Variants in PRKN observed in about 807,000 individuals in gnomAD.
The protein encoded by PRKN is parkin RBR E3 ubiquitin protein ligase.
In PRKN, 56 loss-of-function variants were observed where a neutral mutation model predicts 59.5. The ratio of observed to expected loss-of-function variants is 0.94; its 90% CI spans 0.76 to 1.18. The LOEUF (loss-of-function observed/expected upper bound fraction) is 1.18. Among genes scored for constraint, PRKN ranks in the 50% most tolerant of loss-of-function variants. The pLI is 0.00. For missense variants in PRKN, 657 were observed against 596.4 expected (o/e 1.10, Z -1.06); for synonymous variants, 250 against 222.1 (o/e 1.13, Z -1.12).
chr6:162,649,508 A>G (rs1445297690), intron 1 of PRKN, among the ~76,000 whole-genome samples: 1 of 152,194 alleles, frequency 6.6e-6, no homozygotes, highest in Non-Finnish European at 1.5e-5. Context: ...GCATCTGGCT[A>G]ACTGTAGAAA....
intron 3 of PRKN, among the ~76,000 whole-genome samples, chr6:162,253,279 A>AAATCT (rs56965676): frequency 0.17 from 25,855 of 149,410 alleles, 2,424 homozygotes; most frequent in South Asian, 0.29. Flanking sequence ...AACAGGCAAC[A>AAATCT]AATCTAATCT....
At chr6:162,725,394 T>A (rs144404175) in intron 1 of PRKN, among the ~76,000 whole-genome samples, 1 of 152,228 alleles carries the variant, frequency 6.6e-6, no homozygotes, top group Non-Finnish European at 1.5e-5. Flanking sequence ...TTAATGGTTT[T>A]CACTTTCACC....
Position 161,440,681 on chromosome 6 carries a change from T to C in PRKN, c.1084-53804A>G, listed in dbSNP as rs955370849. 6.6e-6 allele frequency among the ~76,000 whole-genome samples: 1 copy of C among 152,160 alleles called. No individual in the cohort carries two copies. Among genetic ancestry groups the C allele is most frequent in the Non-Finnish European group, 1.5e-5 (1 of 68,026 alleles). ...CATAACATATCTATCACAAATGCAT[T>C]CTGAGATTGCTTGGATCTAAATTGC... On this transcript the variant is annotated intron_variant, in intron 9 of 11. Transcript: ENST00000366898. The surrounding 1 kb of genome is among the most constrained non-coding windows in gnomAD (Gnocchi z 4.1).
chr6:162,701,495 TG>T (rs1166578310), intron 1 of PRKN, among the ~76,000 whole-genome samples: 1 of 151,662 alleles, frequency 6.6e-6, no homozygotes, highest in Admixed American at 6.6e-5. Flanking sequence ...AATTGGCTCA[TG>T]GGTCAGCACT....
intron 7 of PRKN, among the ~76,000 whole-genome samples, chr6:161,778,690 G>T (rs533641107): frequency 2.6e-5 from 4 of 152,194 alleles, no homozygotes; most frequent in Admixed American, 2.6e-4. Context: ...AATTAGAATT[G>T]CTGAGGAGGT....
chr6:162,420,800 AC>A lies in PRKN; in HGVS notation c.171+22509del, dbSNP rs1358579806. On this transcript the variant is annotated intron_variant, in intron 2 of 11. Coordinates refer to ENST00000366898, the MANE Select transcript of PRKN (RefSeq NM_004562.3). ...AAGCAGGAAAAAGATGGGGACACTTACAGTTTTAACGGCTTACCTCTTTTGT... is the reference window on the plus strand; with the variant it reads ...AAGCAGGAAAAAGATGGGGACACTTAAGTTTTAACGGCTTACCTCTTTTGT... 2.2e-4 allele frequency among the ~76,000 whole-genome samples: 33 copies of A among 150,828 alleles called. 1 individual carries two copies. Among genetic ancestry groups the A allele is most frequent in the African/African-American group, 8.2e-4 (33 of 40,200 alleles).
intron 4 of PRKN, among the ~76,000 whole-genome samples, chr6:162,134,770 G>A (rs777558125): frequency 2.0e-5 from 3 of 152,148 alleles, no homozygotes; most frequent in African/African-American, 4.8e-5. Context: ...GAGGCAGAGA[G>A]TGCCAAAAAG....
chr6:161,809,072 C>A (rs1410540677), intron 6 of PRKN, among the ~76,000 whole-genome samples: 3 of 152,156 alleles, frequency 2.0e-5, no homozygotes, highest in Non-Finnish European at 4.4e-5. Context: ...AACTCCTGGG[C>A]TCAGGCAGTC....
chr6:161,492,350 G>T (rs1337360054), intron 9 of PRKN, among the ~76,000 whole-genome samples: 3 of 152,150 alleles, frequency 2.0e-5, no homozygotes, highest in African/African-American at 7.2e-5. Flanking sequence ...CAAGATTATG[G>T]TGACAGTTGA....
chr6:161,368,046 A>T (rs1292027809), intron 10 of PRKN, among the ~76,000 whole-genome samples: 2 of 151,856 alleles, frequency 1.3e-5, no homozygotes, highest in African/African-American at 4.8e-5. Context: ...ATCAAGTCAC[A>T]TGCTACAAAG....
chr6:161,424,462 T>C (rs547501480), intron 9 of PRKN, among the ~76,000 whole-genome samples: 1 of 151,184 alleles, frequency 6.6e-6, no homozygotes, highest in East Asian at 1.9e-4. Context: ...TTTTATGGAG[T>C]GAACTCAGAA....
chr6:162,404,088 T>C (rs1787940160), intron 2 of PRKN, among the ~76,000 whole-genome samples: 2 of 152,086 alleles, frequency 1.3e-5, no homozygotes, highest in Non-Finnish European at 2.9e-5. Flanking sequence ...ATAATCCTTT[T>C]TGGCCGGGTG....
chr6:162,648,257 A>G (rs535632550), intron 1 of PRKN, among the ~76,000 whole-genome samples: 1 of 152,274 alleles, frequency 6.6e-6, no homozygotes, highest in South Asian at 2.1e-4. Flanking sequence ...CGTTTTTGTA[A>G]TATCTCTCTG....
At chr6:161,902,524 G>GACTATCTATCTATCTA (rs1554245393) in intron 6 of PRKN, among the ~76,000 whole-genome samples, 45 of 133,122 alleles carry the variant, frequency 3.4e-4, no homozygotes, top group African/African-American at 1.2e-3. Flanking sequence ...ATAGACATCC[G>GACTATCTATCTATCTA]TCTATCTATC....
intron 4 of PRKN, among the ~76,000 whole-genome samples, chr6:162,189,683 T>C (rs986499951): frequency 6.6e-6 from 1 of 151,852 alleles, no homozygotes; most frequent in Non-Finnish European, 1.5e-5. Flanking sequence ...TTGGTCATAC[T>C]CCATTTATTT....
intron 5 of PRKN, among the ~76,000 whole-genome samples, chr6:162,029,287 T>C (rs988141814): frequency 2.0e-5 from 3 of 152,220 alleles, no homozygotes; most frequent in Admixed American, 1.3e-4. Context: ...TTACAGATAC[T>C]TTTATTAAAA....
intron 9 of PRKN, among the ~76,000 whole-genome samples, chr6:161,507,526 AG>A (rs1442847423): frequency 6.6e-6 from 1 of 152,166 alleles, no homozygotes; most frequent in Non-Finnish European, 1.5e-5. Flanking sequence ...TTTGCTAACT[AG>A]CATTCCACTG....
intron 2 of PRKN, among the ~76,000 whole-genome samples, chr6:162,298,666 A>G (rs1217649215): frequency 7.5e-6 from 1 of 132,772 alleles, no homozygotes; most frequent in African/African-American, 2.8e-5. Flanking sequence ...GCACCAGAGG[A>G]CATATTTACA....
At chr6:162,684,757 A>G (rs894739359) in intron 1 of PRKN, among the ~76,000 whole-genome samples, 1 of 152,152 alleles carries the variant, frequency 6.6e-6, no homozygotes, top group Non-Finnish European at 1.5e-5. Flanking sequence ...TATTCAAAAC[A>G]AAACCAGAAA....
Sources: gnomAD v4.1 joint callset for allele counts (sites outside exome capture counted in the v4.1 genomes callset) on GRCh38, gnomAD v4.1.1 for gene constraint, Gnocchi (gnomAD v3.1) non-coding constraint, MANE v1.5 for transcripts, NCBI Gene and HGNC (gene_info 2026-07-23, HGNC 2026-07-21) for gene names.